The following SCHIP1 variants were observed in gnomAD, a reference collection of about 807,000 sequenced individuals.
SCHIP1 encodes schwannomin-interacting protein 1.
Under a neutral mutation model 29.7 loss-of-function variants are expected in SCHIP1, and 8 were observed. The observed-to-expected ratio is 0.27, with a 90% CI of 0.16 to 0.49. The LOEUF is 0.49. SCHIP1 is among the 20% of genes least tolerant of loss of function. The probability of loss-of-function intolerance (pLI) is 0.99; values close to 1 mark genes in which losing one functional copy is unlikely to be tolerated. For missense variants in SCHIP1, 193 were observed against 294.6 expected (o/e 0.66, Z 2.52); for synonymous variants, 76 against 94.9 (o/e 0.80, Z 1.16).
chr3:159,404,175 GC>G, the SCHIP1 span, among the ~76,000 whole-genome samples: 1 of 152,142 alleles, frequency 6.6e-6, no homozygotes, highest in Non-Finnish European at 1.5e-5. Flanking sequence ...TCAGAGATGT[GC>G]TGGCTTCGTG....
At chr3:159,801,724 T>C in the SCHIP1 span, among the ~76,000 whole-genome samples, 6 of 152,172 alleles carry the variant, frequency 3.9e-5, no homozygotes, top group African/African-American at 1.4e-4. Context: ...ATAAAAATTC[T>C]ATATTTCTAT....
At chr3:159,402,637 T>C in the SCHIP1 span, among the ~76,000 whole-genome samples, 1 of 152,126 alleles carries the variant, frequency 6.6e-6, no homozygotes, top group Non-Finnish European at 1.5e-5. Context: ...TGTAGGGACA[T>C]GGATGAAACT....
the SCHIP1 span, among the ~76,000 whole-genome samples, chr3:159,681,877 C>T: frequency 2.1e-4 from 32 of 150,030 alleles, no homozygotes; most frequent in African/African-American, 7.2e-4. Context: ...GTTAACTCAA[C>T]GTTAACTTAG....
At chr3:159,797,963 G>T in the SCHIP1 span, among the ~76,000 whole-genome samples, 2 of 152,274 alleles carry the variant, frequency 1.3e-5, no homozygotes, top group Admixed American at 1.3e-4. Context: ...AGCAGAGGGG[G>T]CTTCCTTATG....
At chr3:159,845,972 G>A (rs1372694495) in intron 1 of SCHIP1, 2 of 152,144 alleles carry the variant, frequency 1.3e-5, no homozygotes, top group Non-Finnish European at 2.9e-5. Context: ...CCAGAATTGG[G>A]GGTGCAGTGC....
At chr3:159,459,116 A>G in the SCHIP1 span, among the ~76,000 whole-genome samples, 1 of 152,172 alleles carries the variant, frequency 6.6e-6, no homozygotes, top group African/African-American at 2.4e-5. Flanking sequence ...TATGCAATAT[A>G]TAATGAGGGC....
At chr3:159,709,212 G>C in the SCHIP1 span, among the ~76,000 whole-genome samples, 5 of 152,104 alleles carry the variant, frequency 3.3e-5, no homozygotes, top group African/African-American at 1.2e-4. Flanking sequence ...TTGAAGAGGG[G>C]GTGGGGTTGG....
chr3:159,837,124 A>G (rs867802511), upstream of SCHIP1, among the ~76,000 whole-genome samples: 30 of 151,894 alleles, frequency 2.0e-4, no homozygotes, highest in Middle Eastern at 0.01. Context: ...TTTTTTTTTA[A>G]CAACACATGA....
the SCHIP1 span, among the ~76,000 whole-genome samples, chr3:159,772,423 G>A: frequency 1.3e-5 from 2 of 152,230 alleles, no homozygotes; most frequent in East Asian, 1.9e-4. Context: ...GATTATAGGC[G>A]TGAGCCACCA....
rs576736765 is a variant in SCHIP1, at chr3:159,873,752, T to A, written c.149+7471T>A. On this transcript the variant is annotated intron_variant, in intron 2 of 6. Transcript: ENST00000445224. ...GTATAACCTTTGTCATTTTTTCTAT[T>A]TAAAAGTGTTTCCGTAAAAAGTTTT... 5.1e-4 allele frequency among the ~76,000 whole-genome samples: 77 copies of A among 152,328 alleles called. 1 individual carries two copies. In the South Asian group the frequency reaches 0.014, roughly 28 times the overall value.
the SCHIP1 span, among the ~76,000 whole-genome samples, chr3:159,596,853 C>G: frequency 6.6e-6 from 1 of 151,610 alleles, no homozygotes; most frequent in East Asian, 1.9e-4. Context: ...ATGTAAATGA[C>G]GAGTTAACAG....
At chr3:159,373,264 G>A in the SCHIP1 span, among the ~76,000 whole-genome samples, 1 of 150,922 alleles carries the variant, frequency 6.6e-6, no homozygotes, top group African/African-American at 2.4e-5. Context: ...ATATATGAAT[G>A]TATACATATT....
Position 159,854,336 on chromosome 3 carries a change from G to A in SCHIP1, c.31-11827G>A, listed in dbSNP as rs6441278. ...AGCTTCTGTCGTGATAGATCCTTACGTATAGTAATGTAAAATATGGTAGTT... is the reference window on the plus strand; with the variant it reads ...AGCTTCTGTCGTGATAGATCCTTACATATAGTAATGTAAAATATGGTAGTT... On this transcript the variant is annotated intron_variant, in intron 1 of 6. Transcript: ENST00000445224. Among the ~76,000 whole-genome samples the A allele has an allele frequency of 8.0e-3, 1,220 of 152,176 alleles. 10 individuals carry two copies. The highest frequency in any genetic ancestry group is 0.027 in the African/African-American group (1,110 of 41,496).
the SCHIP1 span, among the ~76,000 whole-genome samples, chr3:159,450,797 A>G: frequency 6.8e-6 from 1 of 146,236 alleles, no homozygotes; most frequent in African/African-American, 2.6e-5. Flanking sequence ...AACTTTCCAC[A>G]TTTAGTATTC....
intron 1 of SCHIP1, among the ~76,000 whole-genome samples, chr3:159,859,254 G>A (rs1041408492): frequency 3.9e-5 from 6 of 152,174 alleles, no homozygotes; most frequent in Admixed American, 3.3e-4. Context: ...TTCATGGTTT[G>A]TCTCAGTGAG....
chr3:159,718,871 G>A, the SCHIP1 span, among the ~76,000 whole-genome samples: 2 of 152,046 alleles, frequency 1.3e-5, no homozygotes, highest in Admixed American at 1.3e-4. Context: ...TCGCAGAATT[G>A]GAAAAAACTA....
the SCHIP1 span, among the ~76,000 whole-genome samples, chr3:159,729,041 G>A: frequency 6.6e-6 from 1 of 152,156 alleles, no homozygotes; most frequent in East Asian, 1.9e-4. Context: ...CCAGCTACTT[G>A]GGAGGCTGAG....
chr3:159,505,240 T>C, the SCHIP1 span, among the ~76,000 whole-genome samples: 2 of 152,188 alleles, frequency 1.3e-5, no homozygotes, highest in African/African-American at 4.8e-5. Flanking sequence ...TAAGTCAATG[T>C]ACGTCAGCCT....
chr3:159,511,930 G>A, the SCHIP1 span, among the ~76,000 whole-genome samples: 2 of 152,088 alleles, frequency 1.3e-5, no homozygotes, highest in African/African-American at 4.8e-5. Flanking sequence ...TTATGAATTA[G>A]GGCTAGAGAG....
Sources: allele counts gnomAD v4.1 joint callset (sites outside exome capture counted in the v4.1 genomes callset), GRCh38; gene constraint gnomAD v4.1.1; transcripts MANE v1.5; gene names NCBI Gene and HGNC (gene_info 2026-07-23, HGNC 2026-07-21).